FUBP3: variants seen among roughly 807,000 people sequenced by gnomAD.
FUBP3 encodes far upstream element binding protein 3.
A neutral mutation model predicts 85.6 loss-of-function variants in FUBP3; 28 were observed. The ratio of observed to expected loss-of-function variants is 0.33; its 90% CI spans 0.24 to 0.45. FUBP3 has a LOEUF of 0.45. Among genes scored for constraint, FUBP3 ranks in the 20% least tolerant of loss-of-function variants. FUBP3 has a pLI of 1.00. For missense variants in FUBP3, 583 were observed against 755.1 expected (o/e 0.77, Z 2.67); for synonymous variants, 271 against 271.4 (o/e 1.00, Z 0.01).
intron 10 of FUBP3, 27 bp downstream of exon 10, chr9:130,622,837 AGT>A (rs773490513): frequency 2.8e-6 from 3 of 1,087,332 alleles, no homozygotes; most frequent in Non-Finnish European, 4.1e-6. Flanking sequence ...AAAAATCCTT[AGT>A]GTTAAAAAAA....
chr9:130,582,888 G>C (rs967282134), intron 1 of FUBP3, among the ~76,000 whole-genome samples: 4 of 152,204 alleles, frequency 2.6e-5, no homozygotes, highest in Non-Finnish European at 4.4e-5. Flanking sequence ...CCAGCTAGCT[G>C]TCTGCCAGTC....
intron 16 of FUBP3, 62 bp downstream of exon 16, chr9:130,632,340 G>A: frequency 7.6e-7 from 1 of 1,313,244 alleles, no homozygotes; most frequent in Non-Finnish European, 1.1e-6. Context: ...CAGAAGTCCT[G>A]GGGCCAAAAC....
chr9:130,631,532 G>A, intron 13 of FUBP3, 25 bp from the exon 14 acceptor site: 5 of 1,600,070 alleles, frequency 3.1e-6, no homozygotes, highest in Non-Finnish European at 4.3e-6. Flanking sequence ...AACAGCGGGT[G>A]AGAGCTCCCT....
rs577722020 is a variant in FUBP3 at position 130,589,264 on chromosome 9, G to C, written c.85-6219G>C. On this transcript the variant is annotated intron_variant, in intron 1 of 18. Transcript: ENST00000319725. ...TCATGTTTTCTAACTTTAGTGATTT[G>C]TGTACCACCTTTATGATTTTTTCCG... Among the ~76,000 whole-genome samples the C allele has an allele frequency of 4.6e-5, 7 of 152,092 alleles. 1 individual carries two copies. The highest frequency in any genetic ancestry group is 1.7e-4 in the African/African-American group (7 of 41,496).
At chr9:130,611,893 A>G (rs1373646963) in intron 3 of FUBP3, among the ~76,000 whole-genome samples, 1 of 152,164 alleles carries the variant, frequency 6.6e-6, no homozygotes, top group Non-Finnish European at 1.5e-5. Flanking sequence ...GTTCTGGTCA[A>G]CAGTGATTAC....
chr9:130,595,683 T>TTCA (rs1195702478), intron 2 of FUBP3, 95 bp downstream of exon 2: 108 of 764,982 alleles, frequency 1.4e-4, no homozygotes, highest in Non-Finnish European at 2.4e-4. Flanking sequence ...CTCTCTGAAG[T>TTCA]GTCACTCTGT....
chr9:130,612,405 CTG>C lies in FUBP3; in HGVS notation c.225-50_225-49del, dbSNP rs772366702. ...TGGGCAGTTTGGGGACCTAAAATGG[CTG>C]CAAAAGTCTGTATTCTGTATTTTTT... is the stretch of plus-strand genomic sequence containing the variant. On this transcript the variant is annotated intron_variant, in intron 3 of 18. Transcript: ENST00000319725. This position sits in a 1 kb window ranked among gnomAD's most constrained non-coding sequence, Gnocchi z 4.1. 8.4e-7 allele frequency: 1 copy of C among 1,191,128 alleles called. No individual in the cohort carries two copies. Among genetic ancestry groups the C allele is most frequent in the South Asian group, 1.3e-5 (1 of 78,182 alleles). The allele number at this position is 1,191,128 out of a possible 1,614,324, so 73.8% of individuals were successfully genotyped here.
chr9:130,632,154 G>A (rs775111561), intron 15 of FUBP3, 48 bp from the exon 16 acceptor site: 2 of 1,525,310 alleles, frequency 1.3e-6, no homozygotes, highest in African/African-American at 2.7e-5. Flanking sequence ...GAGACGACAG[G>A]GGTGACTTGC....
intron 1 of FUBP3, among the ~76,000 whole-genome samples, chr9:130,589,402 G>A (rs1830483783): frequency 6.9e-6 from 1 of 145,292 alleles, no homozygotes. Context: ...GGAGTGCAAT[G>A]GCTCGATCTC....
In FUBP3 at chr9:130,612,412, A is replaced by C; in HGVS notation, c.225-44A>C. On this transcript the variant is annotated intron_variant, in intron 3 of 18. Coordinates refer to ENST00000319725, the MANE Select transcript of FUBP3 (RefSeq NM_003934.2). This position sits in a 1 kb window ranked among gnomAD's most constrained non-coding sequence, Gnocchi z 4.1. ...TTTGGGGACCTAAAATGGCTGCAAA[A>C]GTCTGTATTCTGTATTTTTTTCCAA... 7.8e-7 allele frequency: 1 copy of C among 1,286,362 alleles called. No individual in the cohort carries two copies. Among genetic ancestry groups the C allele is most frequent in the Non-Finnish European group, 1.1e-6 (1 of 889,344 alleles). 79.7% of individuals were successfully genotyped at this position (1,286,362 alleles called of 1,614,324 possible). A position where few individuals can be genotyped will look rare whatever the true frequency, so the allele number is the denominator to read the frequency against.
At chr9:130,621,835 G>A (rs1049052298) in intron 9 of FUBP3, among the ~76,000 whole-genome samples, 3 of 151,858 alleles carry the variant, frequency 2.0e-5, no homozygotes, top group African/African-American at 7.3e-5. Context: ...AACCTGGGAG[G>A]CGGTGCTTGC....
At chr9:130,606,333 G>C (rs1192174766) in intron 2 of FUBP3, among the ~76,000 whole-genome samples, 1 of 152,162 alleles carries the variant, frequency 6.6e-6, no homozygotes, top group Non-Finnish European at 1.5e-5. Flanking sequence ...ATCTAAAAAG[G>C]AAGATTTGGG....
At chr9:130,588,271 A>C (rs1384791831) in intron 1 of FUBP3, among the ~76,000 whole-genome samples, 1 of 152,154 alleles carries the variant, frequency 6.6e-6, no homozygotes, top group African/African-American at 2.4e-5. Flanking sequence ...AACTTCTTTC[A>C]GTCTTAGTTT....
chr9:130,617,269 C>T (rs1034953128), intron 7 of FUBP3, among the ~76,000 whole-genome samples: 1 of 152,282 alleles, frequency 6.6e-6, no homozygotes, highest in Admixed American at 6.5e-5. Flanking sequence ...TTTGCAGTTG[C>T]GAGTAAAGGA....
At chr9:130,608,972 A>G (rs1831601877) in intron 2 of FUBP3, among the ~76,000 whole-genome samples, 2 of 152,194 alleles carry the variant, frequency 1.3e-5, no homozygotes, top group South Asian at 2.1e-4. Flanking sequence ...AGTGGGTGTA[A>G]TCGATCCTTT....
intron 1 of FUBP3, among the ~76,000 whole-genome samples, chr9:130,591,513 A>G (rs766349822): frequency 3.3e-5 from 5 of 152,180 alleles, no homozygotes; most frequent in Non-Finnish European, 7.3e-5. Context: ...TTTTGGAACA[A>G]GGTAGTATGT....
At chr9:130,590,634 A>G (rs897258729) in intron 1 of FUBP3, among the ~76,000 whole-genome samples, 1 of 152,146 alleles carries the variant, frequency 6.6e-6, no homozygotes, top group African/African-American at 2.4e-5. Flanking sequence ...AGCATTATGA[A>G]CTGAGGACTG....
At chr9:130,594,510 G>A (rs1249972607) in intron 1 of FUBP3, among the ~76,000 whole-genome samples, 1 of 152,014 alleles carries the variant, frequency 6.6e-6, no homozygotes, top group Non-Finnish European at 1.5e-5. Context: ...TTGAACCCAG[G>A]AGGCAGAGGT....
At chr9:130,620,143 C>A (rs942557025) in intron 8 of FUBP3, among the ~76,000 whole-genome samples, 3 of 152,144 alleles carry the variant, frequency 2.0e-5, no homozygotes, top group Middle Eastern at 3.2e-3. Context: ...TGGACCCTTC[C>A]CCGTGTGGAC....
Sources: gnomAD v4.1 joint callset for allele counts (sites outside exome capture counted in the v4.1 genomes callset) on GRCh38, gnomAD v4.1.1 for gene constraint, Gnocchi (gnomAD v3.1) non-coding constraint, MANE v1.5 for transcripts, NCBI Gene and HGNC (gene_info 2026-07-23, HGNC 2026-07-21) for gene names.